Variants in RPS6KC1 observed in about 807,000 individuals in gnomAD.
RPS6KC1 encodes the protein ribosomal protein S6 kinase C1.
In RPS6KC1, 54 loss-of-function variants were observed where a neutral mutation model predicts 103.8. The observed-to-expected ratio is 0.52, with a 90% CI of 0.42 to 0.65. The LOEUF is 0.65. Among genes scored for constraint, RPS6KC1 ranks in the 30% least tolerant of loss-of-function variants. The pLI, the probability that RPS6KC1 is intolerant of heterozygous loss-of-function variation, is 0.00. For missense variants in RPS6KC1, 1,151 were observed against 1,253.8 expected (o/e 0.92, Z 1.24); for synonymous variants, 439 against 438.7 (o/e 1.00, Z -0.01).
chr1:213,646,674 C>T, the RPS6KC1 span, among the ~76,000 whole-genome samples: 1 of 151,864 alleles, frequency 6.6e-6, no homozygotes, highest in African/African-American at 2.4e-5. Context: ...TTGACCCATG[C>T]AGGGCAGGAT....
the RPS6KC1 span, among the ~76,000 whole-genome samples, chr1:213,772,688 C>G: frequency 6.7e-6 from 1 of 149,066 alleles, no homozygotes; most frequent in African/African-American, 2.5e-5. Context: ...GCTCCTGAAT[C>G]ACAATGCCGG....
chr1:213,291,243 A>G, the RPS6KC1 span, among the ~76,000 whole-genome samples: 3 of 152,234 alleles, frequency 2.0e-5, no homozygotes, highest in African/African-American at 7.2e-5. Context: ...GCTAAGAAGA[A>G]GGGTAGATTC....
chr1:213,727,060 T>C, the RPS6KC1 span, among the ~76,000 whole-genome samples: 123,155 of 152,204 alleles, frequency 0.81, 50,393 homozygotes, highest in African/African-American at 0.93. Flanking sequence ...TATGCTTTGG[T>C]CTGGAAGTGG....
the RPS6KC1 span, among the ~76,000 whole-genome samples, chr1:213,770,719 T>A: frequency 6.6e-6 from 1 of 152,212 alleles, no homozygotes; most frequent in Non-Finnish European, 1.5e-5. Context: ...GCCAGCCTTT[T>A]TGTACTTGAT....
At chr1:213,468,765 C>G in the RPS6KC1 span, among the ~76,000 whole-genome samples, 1 of 152,168 alleles carries the variant, frequency 6.6e-6, no homozygotes, top group Non-Finnish European at 1.5e-5. Context: ...ACATCTGATG[C>G]CCACGAAGAC....
the RPS6KC1 span, among the ~76,000 whole-genome samples, chr1:213,538,196 GTTTGGTGAA>G: frequency 6.6e-6 from 1 of 152,214 alleles, no homozygotes; most frequent in Non-Finnish European, 1.5e-5. Context: ...ATAAATCTCA[GTTTGGTGAA>G]ATAACTGAGG....
At chr1:213,345,279 A>G in the RPS6KC1 span, among the ~76,000 whole-genome samples, 1 of 152,234 alleles carries the variant, frequency 6.6e-6, no homozygotes. Context: ...TACCTTCTCA[A>G]TGTAATGAAG....
chr1:213,145,478 C>G (rs2087639391), intron 6 of RPS6KC1, among the ~76,000 whole-genome samples: 1 of 152,082 alleles, frequency 6.6e-6, no homozygotes, highest in Non-Finnish European at 1.5e-5. Flanking sequence ...GGAATATACA[C>G]AGAGTACTCA....
chr1:213,641,075 T>C, the RPS6KC1 span, among the ~76,000 whole-genome samples: 1 of 151,594 alleles, frequency 6.6e-6, no homozygotes, highest in Non-Finnish European at 1.5e-5. Flanking sequence ...TTTAGAAATA[T>C]GTAATGTCTC....
the RPS6KC1 span, among the ~76,000 whole-genome samples, chr1:213,490,150 T>A: frequency 4.6e-5 from 7 of 152,146 alleles, no homozygotes; most frequent in African/African-American, 1.7e-4. Flanking sequence ...GGAGAAGGGC[T>A]TATTTCTAAA....
chr1:213,630,274 G>C, the RPS6KC1 span, among the ~76,000 whole-genome samples: 2 of 152,020 alleles, frequency 1.3e-5, no homozygotes, highest in South Asian at 4.2e-4. Flanking sequence ...TGGAGGCTTT[G>C]TTTCTTTTTA....
chr1:213,458,148 A>G, the RPS6KC1 span, among the ~76,000 whole-genome samples: 1 of 152,018 alleles, frequency 6.6e-6, no homozygotes, highest in Middle Eastern at 3.2e-3. Context: ...CCTTGGCCCC[A>G]TCCTCCTTCC....
At chr1:213,292,066 C>G in the RPS6KC1 span, among the ~76,000 whole-genome samples, 230 of 150,802 alleles carry the variant, frequency 1.5e-3, no homozygotes, top group Non-Finnish European at 2.6e-3. Flanking sequence ...CACATAGACA[C>G]AGGAAGGGGA....
intron 6 of RPS6KC1, among the ~76,000 whole-genome samples, chr1:213,137,443 C>T (rs1386900041): frequency 6.6e-6 from 1 of 151,930 alleles, no homozygotes; most frequent in Non-Finnish European, 1.5e-5. Context: ...AAGGGATTCT[C>T]CTGCCTCAAC....
At chr1:213,657,515 G>A in the RPS6KC1 span, among the ~76,000 whole-genome samples, 1 of 152,224 alleles carries the variant, frequency 6.6e-6, no homozygotes, top group Admixed American at 6.5e-5. Flanking sequence ...GTTAGAAGCA[G>A]ACATGCATTT....
chr1:213,438,792 CTTTTTTTTTTTT>C, the RPS6KC1 span, among the ~76,000 whole-genome samples: 1 of 129,732 alleles, frequency 7.7e-6, no homozygotes, highest in Admixed American at 7.9e-5. Flanking sequence ...ATCTTGGTTT[CTTTTTTTTTTTT>C]TTTTTTTGAG....
chr1:213,561,220 C>A, the RPS6KC1 span, among the ~76,000 whole-genome samples: 1 of 152,228 alleles, frequency 6.6e-6, no homozygotes, highest in Non-Finnish European at 1.5e-5. Context: ...TCTTTGAAGA[C>A]TTTCTTTTCC....
At chr1:213,598,625 A>G in the RPS6KC1 span, among the ~76,000 whole-genome samples, 1 of 152,340 alleles carries the variant, frequency 6.6e-6, no homozygotes, top group South Asian at 2.1e-4. Flanking sequence ...TGTATAAAAT[A>G]CATTATTTTA....
chr1:213,645,754 G>T, the RPS6KC1 span, among the ~76,000 whole-genome samples: 1 of 152,136 alleles, frequency 6.6e-6, no homozygotes, highest in Admixed American at 6.5e-5. Context: ...TCGGAAATTG[G>T]GTTTGTATTT....
Sources: gnomAD v4.1 joint callset for allele counts (sites outside exome capture counted in the v4.1 genomes callset) on GRCh38, gnomAD v4.1.1 for gene constraint, MANE v1.5 for transcripts, NCBI Gene and HGNC (gene_info 2026-07-23, HGNC 2026-07-21) for gene names.